CNTNAP2: variants seen among roughly 807,000 people sequenced by gnomAD.
CNTNAP2 encodes the protein contactin-associated protein-like 2.
Under a neutral mutation model 155.2 loss-of-function variants are expected in CNTNAP2, and 98 were observed. The ratio of observed to expected loss-of-function variants is 0.63; its 90% CI spans 0.54 to 0.75. CNTNAP2 has a LOEUF of 0.75. CNTNAP2 is among the 30% of genes least tolerant of loss of function. The probability of loss-of-function intolerance (pLI) is 0.00; values close to 1 mark genes in which losing one functional copy is unlikely to be tolerated. For synonymous variants in CNTNAP2, 651 were observed against 631.2 expected, an observed-to-expected ratio of 1.03 and a Z score of -0.47; for missense variants, 1,727 against 1,688.1, an observed-to-expected ratio of 1.02 and a Z score of -0.40.
At chr7:148,331,612 CGG>C (rs1798015975) in intron 21 of CNTNAP2, among the ~76,000 whole-genome samples, 6 of 92,974 alleles carry the variant, frequency 6.5e-5, no homozygotes, top group South Asian at 3.4e-4. Flanking sequence ...ATGGAATGGA[CGG>C]ATGGAGTCGA....
intron 12 of CNTNAP2, among the ~76,000 whole-genome samples, chr7:147,586,642 G>A (rs988208082): frequency 3.3e-5 from 5 of 151,826 alleles, no homozygotes; most frequent in Admixed American, 6.6e-5. Context: ...GAAACAAAAC[G>A]GAAATACCCT....
At chr7:147,232,485 C>G (rs936985329) in intron 8 of CNTNAP2, among the ~76,000 whole-genome samples, 1 of 152,154 alleles carries the variant, frequency 6.6e-6, no homozygotes, top group Non-Finnish European at 1.5e-5. Flanking sequence ...GGCATAAGCA[C>G]AGACACAGAA....
chr7:148,326,710 C>CA (rs1427161476), intron 21 of CNTNAP2, among the ~76,000 whole-genome samples: 2 of 151,880 alleles, frequency 1.3e-5, no homozygotes, highest in Non-Finnish European at 2.9e-5. Context: ...ACTAAAAATA[C>CA]AAAAATTAGC....
At chr7:146,542,651 T>A (rs1370867896) in intron 1 of CNTNAP2, among the ~76,000 whole-genome samples, 1 of 151,952 alleles carries the variant, frequency 6.6e-6, no homozygotes, top group Non-Finnish European at 1.5e-5. Flanking sequence ...TTAATAAGTC[T>A]GACTTTAACT....
chr7:146,241,908 G>A (rs1799569660), intron 1 of CNTNAP2, among the ~76,000 whole-genome samples: 2 of 151,882 alleles, frequency 1.3e-5, no homozygotes, highest in Non-Finnish European at 1.5e-5. Flanking sequence ...CTACCTAGAA[G>A]CCTAATGGGG....
intron 3 of CNTNAP2, among the ~76,000 whole-genome samples, chr7:147,011,814 C>T (rs367908544): frequency 6.6e-6 from 1 of 152,164 alleles, no homozygotes; most frequent in Non-Finnish European, 1.5e-5. Context: ...TGACCTTCCT[C>T]GTTTGATGGC....
intron 1 of CNTNAP2, among the ~76,000 whole-genome samples, chr7:146,468,682 CTGCTT>C (rs1796751777): frequency 6.6e-6 from 1 of 152,032 alleles, no homozygotes; most frequent in Non-Finnish European, 1.5e-5. Flanking sequence ...AATAAGCTCT[CTGCTT>C]TGGAAGGTCG....
intron 3 of CNTNAP2, among the ~76,000 whole-genome samples, chr7:147,030,139 T>C (rs1026427431): frequency 6.6e-6 from 1 of 152,182 alleles, no homozygotes; most frequent in Non-Finnish European, 1.5e-5. Flanking sequence ...GCATCAAAAG[T>C]GTTGGTTACT....
chr7:148,204,038 A>C (rs1795409029), intron 18 of CNTNAP2, among the ~76,000 whole-genome samples: 1 of 152,218 alleles, frequency 6.6e-6, no homozygotes, highest in Non-Finnish European at 1.5e-5. Flanking sequence ...GAAATAACCA[A>C]GCTCTTGAGT....
intron 21 of CNTNAP2, among the ~76,000 whole-genome samples, chr7:148,292,989 T>G (rs1797214285): frequency 6.6e-6 from 1 of 151,946 alleles, no homozygotes. Context: ...TGAGTAAAAT[T>G]TTTCCCAGTG....
At chr7:147,157,780 T>C (rs1019391431) in intron 8 of CNTNAP2, among the ~76,000 whole-genome samples, 29 of 152,152 alleles carry the variant, frequency 1.9e-4, no homozygotes, top group Admixed American at 7.9e-4. Context: ...AATGAATAAA[T>C]GGTATGAATA....
intron 1 of CNTNAP2, among the ~76,000 whole-genome samples, chr7:146,208,069 T>G (rs567044367): frequency 5.4e-4 from 82 of 152,176 alleles, no homozygotes; most frequent in Admixed American, 2.1e-3. Context: ...TAAGTAGGAC[T>G]TAATTTTTTT....
rs981264827 is a variant in CNTNAP2 at position 148,147,486 on chromosome 7, T to G, written c.2555-5T>G. On this transcript the variant is annotated splice_polypyrimidine_tract_variant and splice_region_variant and intron_variant, in intron 16 of 23. Coordinates refer to ENST00000361727, the MANE Select transcript of CNTNAP2 (RefSeq NM_014141.6). ...TCATGTTTTTCATGCTTTCTGCTCC[T>G]CCAGCTGCCACAGAAGTGTCCTTTT... 6 of 1,613,910 alleles carry G rather than the reference T, an allele frequency of 3.7e-6. No homozygotes were observed. The highest frequency in any genetic ancestry group is 5.1e-6 in the Non-Finnish European group (6 of 1,179,910).
intron 21 of CNTNAP2, among the ~76,000 whole-genome samples, chr7:148,367,284 A>C (rs949604827): frequency 6.6e-6 from 1 of 152,192 alleles, no homozygotes; most frequent in African/African-American, 2.4e-5. Flanking sequence ...AGGGGCCAAC[A>C]TATCCATGGG....
intron 16 of CNTNAP2, among the ~76,000 whole-genome samples, chr7:148,120,402 G>A (rs775821376): frequency 6.6e-6 from 1 of 151,906 alleles, no homozygotes; most frequent in Non-Finnish European, 1.5e-5. Flanking sequence ...AAGTAGCTGG[G>A]ACTACAGGTG....
intron 12 of CNTNAP2, among the ~76,000 whole-genome samples, chr7:147,582,902 C>T (rs777103966): frequency 4.6e-5 from 7 of 152,036 alleles, no homozygotes; most frequent in Admixed American, 2.6e-4. Flanking sequence ...ACTCTAATCC[C>T]CAGAGCCTAT....
chr7:148,148,091 AGAGG>A (rs547343015), intron 17 of CNTNAP2, among the ~76,000 whole-genome samples: 203 of 137,618 alleles, frequency 1.5e-3, no homozygotes, highest in African/African-American at 5.2e-3. Flanking sequence ...AGGAAGGGAG[AGAGG>A]GAGGGAGGGA....
At chr7:147,558,812 A>G (rs901393465) in intron 11 of CNTNAP2, among the ~76,000 whole-genome samples, 1 of 150,888 alleles carries the variant, frequency 6.6e-6, no homozygotes, top group Non-Finnish European at 1.5e-5. Context: ...GCACAATCTT[A>G]TCTCACTGCA....
intron 22 of CNTNAP2, among the ~76,000 whole-genome samples, chr7:148,384,130 G>T (rs542783052): frequency 2.6e-5 from 4 of 152,200 alleles, no homozygotes; most frequent in Non-Finnish European, 4.4e-5. Context: ...CTTCAATTAG[G>T]TTAAATGATG....
Sources: gnomAD v4.1 joint callset for allele counts (sites outside exome capture counted in the v4.1 genomes callset) on GRCh38, gnomAD v4.1.1 for gene constraint, MANE v1.5 for transcripts, NCBI Gene and HGNC (gene_info 2026-07-23, HGNC 2026-07-21) for gene names.